The following PPP2R2B variants were observed in gnomAD, a reference collection of about 807,000 sequenced individuals.
PPP2R2B encodes the protein serine/threonine-protein phosphatase 2A 55 kDa regulatory subunit B beta isoform.
PPP2R2B carries 5 observed loss-of-function variants against 46.0 expected under a neutral mutation model. The ratio of observed to expected loss-of-function variants is 0.11; its 90% CI spans 0.06 to 0.23. The LOEUF is 0.23. Ranked by LOEUF, PPP2R2B falls within the 10% of genes least tolerant of loss-of-function variation. The probability of loss-of-function intolerance (pLI) is 1.00; values close to 1 mark genes in which losing one functional copy is unlikely to be tolerated. For missense variants in PPP2R2B, 367 were observed against 575.0 expected (o/e 0.64, Z 3.70); for synonymous variants, 215 against 206.7 (o/e 1.04, Z -0.34).
chr5:146,895,297 G>A (rs1762610210), intron 1 of PPP2R2B, among the ~76,000 whole-genome samples: 1 of 152,064 alleles, frequency 6.6e-6, no homozygotes, highest in Admixed American at 6.5e-5. Context: ...CAGACAAGTC[G>A]GCCCCCTGCC....
At chr5:146,770,400 A>G (rs890664938) in intron 2 of PPP2R2B, among the ~76,000 whole-genome samples, 18 of 151,668 alleles carry the variant, frequency 1.2e-4, no homozygotes, top group Non-Finnish European at 2.5e-4. Flanking sequence ...CCAGAACACT[A>G]AAAAATTATT....
At chr5:146,750,948 G>A (rs1753519248) in intron 2 of PPP2R2B, among the ~76,000 whole-genome samples, 1 of 152,146 alleles carries the variant, frequency 6.6e-6, no homozygotes, top group East Asian at 1.9e-4. Flanking sequence ...GAGCAGCAGA[G>A]AGACACCACA....
chr5:146,817,555 C>T (rs1758003304), intron 2 of PPP2R2B, among the ~76,000 whole-genome samples: 1 of 151,976 alleles, frequency 6.6e-6, no homozygotes, highest in South Asian at 2.1e-4. Context: ...GAGCCTTTTC[C>T]CTTTTAATGT....
At chr5:146,794,993 G>A (rs1181565801) in intron 2 of PPP2R2B, among the ~76,000 whole-genome samples, 1 of 151,970 alleles carries the variant, frequency 6.6e-6, no homozygotes, top group Non-Finnish European at 1.5e-5. Context: ...AAAATATGGG[G>A]GCAAAGGAGA....
chr5:146,643,091 A>G (rs1312760433), intron 6 of PPP2R2B, among the ~76,000 whole-genome samples: 1 of 152,134 alleles, frequency 6.6e-6, no homozygotes, highest in Admixed American at 6.5e-5. Flanking sequence ...TACTTTCCAT[A>G]CTTATGATGT....
intron 1 of PPP2R2B, among the ~76,000 whole-genome samples, chr5:146,944,883 G>A (rs984807159): frequency 6.6e-6 from 1 of 152,082 alleles, no homozygotes; most frequent in Non-Finnish European, 1.5e-5. Context: ...CTAATAGTTT[G>A]TTTTCATTGA....
rs185723331 is a variant in PPP2R2B at position 146,617,863 on chromosome 5, T to G, written c.791-17403A>C. ...ACGTGTGCCACCACGCCCAGCTAAT[T>G]TTTGTAGTTTTAGTAGAGATGGGGT... On this transcript the variant is annotated intron_variant, in intron 7 of 9. Transcript: ENST00000394411. Among the ~76,000 whole-genome samples the G allele has an allele frequency of 3.2e-3, 493 of 152,046 alleles. 4 individuals are homozygous for G. The highest frequency in any genetic ancestry group is 0.011 in the African/African-American group (473 of 41,460).
chr5:147,033,210 C>T (rs572001961), intron 1 of PPP2R2B, among the ~76,000 whole-genome samples: 42 of 152,198 alleles, frequency 2.8e-4, no homozygotes, highest in African/African-American at 9.1e-4. Flanking sequence ...ATGTTTGGTC[C>T]TGGGCCTCCT....
intron 2 of PPP2R2B, among the ~76,000 whole-genome samples, chr5:147,067,017 G>C (rs1043362913): frequency 6.6e-6 from 1 of 152,140 alleles, no homozygotes; most frequent in Non-Finnish European, 1.5e-5. Context: ...AATAGAGGTA[G>C]AAAATGCTAA....
rs367746413 is a variant in PPP2R2B at position 146,886,096 on chromosome 5, T to C, written c.79+169569A>G. Among the ~76,000 whole-genome samples the C allele has an allele frequency of 1.7e-3, 265 of 152,192 alleles. 1 individual carries two copies. Among genetic ancestry groups the C allele is most frequent in the African/African-American group, 5.7e-3 (237 of 41,548 alleles). ...GCTCACGCCTGTAGCCCCAACACTT[T>C]GGGAGGCCGAGGCGGGCGGATCACG... On this transcript the variant is annotated intron_variant, in intron 1 of 8. Coordinates refer to the PPP2R2B transcript ENST00000336640.
In PPP2R2B at chr5:146,630,775, A is replaced by C. The variant is rs190042675; in HGVS notation, c.790+7476T>G. Among the ~76,000 whole-genome samples, 52 of 152,266 alleles carry C rather than the reference A, an allele frequency of 3.4e-4. 1 individual carries two copies. Among genetic ancestry groups the C allele is most frequent in the Middle Eastern group, 6.8e-3 (2 of 294 alleles). On this transcript the variant is annotated intron_variant, in intron 7 of 9. Transcript: ENST00000394411. The stretch of plus-strand genomic sequence containing the variant: ...AAGACACATGTGGTAGGGAAGCAAG[A>C]CACCATCTTCACTCCAACCATAACA...
chr5:147,000,990 G>C (rs1204299927), intron 1 of PPP2R2B, among the ~76,000 whole-genome samples: 1 of 152,160 alleles, frequency 6.6e-6, no homozygotes, highest in Non-Finnish European at 1.5e-5. Context: ...ATTCCAAAGA[G>C]TTAGTGAGAG....
At chr5:146,750,246 T>C (rs575977927) in intron 2 of PPP2R2B, among the ~76,000 whole-genome samples, 2 of 152,340 alleles carry the variant, frequency 1.3e-5, no homozygotes, top group South Asian at 4.1e-4. Context: ...TCCCAGTTTA[T>C]TATTCTTTTA....
intron 2 of PPP2R2B, among the ~76,000 whole-genome samples, chr5:146,862,818 C>G (rs1582297982): frequency 7.6e-6 from 1 of 131,932 alleles, no homozygotes; most frequent in African/African-American, 2.9e-5. Flanking sequence ...CAAGGCCATT[C>G]ATATGAGTGA....
At chr5:147,031,100 G>A (rs564433126) in intron 1 of PPP2R2B, among the ~76,000 whole-genome samples, 1 of 152,174 alleles carries the variant, frequency 6.6e-6, no homozygotes, top group South Asian at 2.1e-4. Flanking sequence ...AGCTGGGCAT[G>A]GTGGCGGGCC....
intron 2 of PPP2R2B, chr5:146,751,213 A>C (rs1419185595): frequency 6.6e-6 from 1 of 152,274 alleles, no homozygotes; most frequent in Non-Finnish European, 1.5e-5. Flanking sequence ...TATTTAATCC[A>C]TTGCCTCCAG....
chr5:146,959,040 C>G (rs58924217), intron 1 of PPP2R2B, among the ~76,000 whole-genome samples: 1 of 152,130 alleles, frequency 6.6e-6, no homozygotes, highest in Non-Finnish European at 1.5e-5. Context: ...TAGCCTTAAT[C>G]TAACCAAAGC....
At chr5:146,968,926 T>C (rs1025094969) in intron 1 of PPP2R2B, among the ~76,000 whole-genome samples, 2 of 152,262 alleles carry the variant, frequency 1.3e-5, no homozygotes, top group Admixed American at 1.3e-4. Flanking sequence ...ATTTTGAATA[T>C]ACAATATTTA....
chr5:147,057,683 G>A (rs189387090), upstream of PPP2R2B, among the ~76,000 whole-genome samples: 1 of 152,326 alleles, frequency 6.6e-6, no homozygotes, highest in Admixed American at 6.5e-5. Context: ...CAATGTTGCT[G>A]CTGTTAGCCT....
Sources: allele counts gnomAD v4.1 joint callset (sites outside exome capture counted in the v4.1 genomes callset), GRCh38; gene constraint gnomAD v4.1.1; transcripts MANE v1.5; gene names NCBI Gene and HGNC (gene_info 2026-07-23, HGNC 2026-07-21).